The following RCC2 variants were observed in gnomAD, a reference collection of about 807,000 sequenced individuals.
RCC2 encodes the protein protein RCC2.
Under a neutral mutation model 64.1 loss-of-function variants are expected in RCC2, and 19 were observed. The observed-to-expected ratio is 0.30, with a 90% CI of 0.21 to 0.44. RCC2 has a LOEUF of 0.44. Ranked by LOEUF, RCC2 falls within the 20% of genes least tolerant of loss-of-function variation. The probability of loss-of-function intolerance (pLI) is 1.00; values close to 1 mark genes in which losing one functional copy is unlikely to be tolerated. For missense variants in RCC2, 508 were observed against 710.4 expected (o/e 0.72, Z 3.24); for synonymous variants, 325 against 279.6 (o/e 1.16, Z -1.62).
At chr1:17,421,765 C>T (rs535806643) in intron 6 of RCC2, among the ~76,000 whole-genome samples, 1 of 152,268 alleles carries the variant, frequency 6.6e-6, no homozygotes, top group Non-Finnish European at 1.5e-5. Context: ...GTGGCTCACA[C>T]CTGTAATCCC....
intron 4 of RCC2, among the ~76,000 whole-genome samples, chr1:17,424,295 G>A (rs940211148): frequency 1.3e-5 from 2 of 152,198 alleles, no homozygotes; most frequent in African/African-American, 4.8e-5. Context: ...TTGATGGCGG[G>A]ACATACATTG....
chr1:17,411,992 A>T (rs1472635700), intron 11 of RCC2, 130 bp downstream of exon 11: 3 of 791,194 alleles, frequency 3.8e-6, no homozygotes, highest in South Asian at 1.5e-5. Context: ...TGCAAACCTT[A>T]ATACAATAAG....
intron 2 of RCC2, among the ~76,000 whole-genome samples, chr1:17,429,637 C>CATCA (rs1179828729): frequency 6.6e-6 from 1 of 152,194 alleles, no homozygotes; most frequent in Non-Finnish European, 1.5e-5. Flanking sequence ...AGGAGCCTCA[C>CATCA]ATCACTTCTG....
At chr1:17,432,869 A>G (rs1181117071) in intron 2 of RCC2, among the ~76,000 whole-genome samples, 3 of 152,192 alleles carry the variant, frequency 2.0e-5, no homozygotes, top group Non-Finnish European at 4.4e-5. Context: ...GAGACAGGAG[A>G]AGGGCATGAA....
chr1:17,417,608 G>C (rs2075502330), intron 7 of RCC2, among the ~76,000 whole-genome samples: 1 of 152,154 alleles, frequency 6.6e-6, no homozygotes, highest in African/African-American at 2.4e-5. Flanking sequence ...GCTTGAACCT[G>C]GGAGGTGGAG....
chr1:17,434,907 C>G (rs184530162), intron 2 of RCC2, among the ~76,000 whole-genome samples: 454 of 152,336 alleles, frequency 3.0e-3, no homozygotes, highest in African/African-American at 0.01. Flanking sequence ...GAGTTCAAGA[C>G]AGCCTGGCCA....
chr1:17,425,356 G>T (rs1329272166), intron 4 of RCC2, among the ~76,000 whole-genome samples, 185 bp downstream of exon 4: 1 of 152,182 alleles, frequency 6.6e-6, no homozygotes, highest in Non-Finnish European at 1.5e-5. Context: ...CAGGGGGGAA[G>T]GGGATCTGCA....
At chr1:17,416,996 G>C (rs1488300005) in intron 7 of RCC2, among the ~76,000 whole-genome samples, 1 of 152,128 alleles carries the variant, frequency 6.6e-6, no homozygotes, top group Non-Finnish European at 1.5e-5. Context: ...TTCTTACAAT[G>C]GGTTGCAGTC....
At chr1:17,420,291 G>T (rs2075541697) in intron 7 of RCC2, among the ~76,000 whole-genome samples, 1 of 152,182 alleles carries the variant, frequency 6.6e-6, no homozygotes, top group Non-Finnish European at 1.5e-5. Context: ...GTCCACCAGG[G>T]CTCCTCACGT....
chr1:17,418,385 G>A (rs1027670937), intron 7 of RCC2, among the ~76,000 whole-genome samples: 19 of 152,222 alleles, frequency 1.2e-4, no homozygotes, highest in Non-Finnish European at 2.2e-4. Flanking sequence ...TTGGCCGGGC[G>A]CGGTGGCTCG....
chr1:17,421,328 C>G (rs1037676928), intron 6 of RCC2, among the ~76,000 whole-genome samples: 3 of 152,120 alleles, frequency 2.0e-5, no homozygotes, highest in Non-Finnish European at 4.4e-5. Context: ...AACCCCATCT[C>G]TACTAAAAAT....
At chr1:17,409,257 G>T in intron 12 of RCC2, 63 bp from the exon 13 acceptor site, 1 of 1,068,846 alleles carries the variant, frequency 9.4e-7, no homozygotes, top group Non-Finnish European at 1.5e-6. Flanking sequence ...GCGTTGAAGA[G>T]ACTCTGGAAA....
chr1:17,434,500 T>G (rs1446341069), intron 2 of RCC2, among the ~76,000 whole-genome samples: 1 of 152,174 alleles, frequency 6.6e-6, no homozygotes, highest in Non-Finnish European at 1.5e-5. Context: ...ATCCATAGCC[T>G]TTGTAATATC....
rs1265674393 is a variant in RCC2 at position 17,431,359 on chromosome 1, A to ATAAAAATATATATAT, written c.286-2161_286-2160insATATATATATTTTTA. Among the ~76,000 whole-genome samples, 237 of 44,936 alleles carry ATAAAAATATATATAT rather than the reference A, an allele frequency of 5.3e-3. 27 individuals carry two copies. Among genetic ancestry groups the ATAAAAATATATATAT allele is most frequent in the Middle Eastern group, 0.033 (2 of 60 alleles). 29.5% of individuals were successfully genotyped at this position (44,936 alleles called of 152,430 possible). A position where few individuals can be genotyped will look rare whatever the true frequency, so the allele number is the denominator to read the frequency against. On this transcript the variant is annotated intron_variant, in intron 2 of 12. Transcript: ENST00000375436. ...AAAAAAAAAAAAAAAAAAAAAAAAA[A>ATAAAAATATATATAT]ATATATATATATATATATATATGTG...
At position 17,412,508 on chromosome 1, in the gene RCC2, A is replaced by G. The variant is rs561301226; in HGVS notation, c.1314-314T>C. Among the ~76,000 whole-genome samples, 115 of 152,324 alleles carry G rather than the reference A, an allele frequency of 7.5e-4. 1 individual carries two copies. Among genetic ancestry groups the G allele is most frequent in the African/African-American group, 2.7e-3 (111 of 41,576 alleles). ...GGGAAGAGGAGACCAGATCAGGATAAAGTGAAAGCCTGTTCCAGAGGGAGC... is the reference window on the plus strand; with the variant it reads ...GGGAAGAGGAGACCAGATCAGGATAGAGTGAAAGCCTGTTCCAGAGGGAGC... On this transcript the variant is annotated intron_variant, in intron 10 of 12. Coordinates refer to ENST00000375436, the MANE Select transcript of RCC2 (RefSeq NM_018715.4).
chr1:17,422,891 A>C (rs980965361), intron 4 of RCC2, 55 bp from the exon 5 acceptor site: 13 of 1,609,774 alleles, frequency 8.1e-6, no homozygotes, highest in Admixed American at 3.3e-5. Flanking sequence ...AGGCGGCACC[A>C]CCAGGAGAAG....
intron 7 of RCC2, among the ~76,000 whole-genome samples, chr1:17,420,039 G>T (rs1245800740): frequency 2.6e-5 from 4 of 152,194 alleles, no homozygotes; most frequent in Admixed American, 2.0e-4. Flanking sequence ...GGGCGCCCGC[G>T]CCACACCTCG....
At chr1:17,422,391 G>A (rs555782843) in intron 5 of RCC2, 100 bp from the exon 6 acceptor site, 2 of 1,139,162 alleles carry the variant, frequency 1.8e-6, no homozygotes, top group African/African-American at 3.1e-5. Flanking sequence ...CAGCTCATTT[G>A]CCAGGCAGAA....
chr1:17,429,228 T>A, intron 2 of RCC2, 29 bp from the exon 3 acceptor site: 9 of 1,574,726 alleles, frequency 5.7e-6, no homozygotes, highest in Non-Finnish European at 7.9e-6. Context: ...GAAAAAAGAA[T>A]TAGTGTGTAA....
Sources: gnomAD v4.1 joint callset for allele counts (sites outside exome capture counted in the v4.1 genomes callset) on GRCh38, gnomAD v4.1.1 for gene constraint, MANE v1.5 for transcripts, NCBI Gene and HGNC (gene_info 2026-07-23, HGNC 2026-07-21) for gene names.